The following NFAM1 variants were observed in gnomAD, a reference collection of about 807,000 sequenced individuals.
NFAM1 encodes the protein NFAT activating protein with ITAM motif 1.
In NFAM1, 17 loss-of-function variants were observed where a neutral mutation model predicts 29.0. The ratio of observed to expected loss-of-function variants is 0.59; its 90% CI spans 0.40 to 0.88. NFAM1 has a LOEUF of 0.88. Ranked by LOEUF, NFAM1 falls within the 40% of genes least tolerant of loss-of-function variation. NFAM1 has a pLI of 0.00. For synonymous variants in NFAM1, 175 were observed against 147.2 expected (o/e 1.19, Z -1.36); for missense variants, 324 against 344.6 (o/e 0.94, Z 0.47).
intron 4 of NFAM1, among the ~76,000 whole-genome samples, chr22:42,387,513 G>T (rs1179476291): frequency 6.6e-6 from 1 of 150,390 alleles, no homozygotes; most frequent in Admixed American, 6.6e-5. Flanking sequence ...TCACCCCCCT[G>T]TTCAAAGCCC....
upstream of NFAM1, chr22:42,437,062 C>G: frequency 3.7e-6 from 3 of 805,780 alleles, no homozygotes; most frequent in South Asian, 1.7e-4. Flanking sequence ...TGCCAACTCC[C>G]CAACCCCGCC....
intron 3 of NFAM1, among the ~76,000 whole-genome samples, chr22:42,405,104 G>A (rs945088436): frequency 2.0e-5 from 3 of 152,162 alleles, no homozygotes; most frequent in Non-Finnish European, 4.4e-5. Context: ...AGGCCATCCT[G>A]GAGGGGAGGG....
intron 3 of NFAM1, among the ~76,000 whole-genome samples, chr22:42,403,410 A>G (rs891771656): frequency 1.3e-5 from 2 of 151,818 alleles, no homozygotes; most frequent in African/African-American, 4.8e-5. Flanking sequence ...GACACATAGT[A>G]GGTGCTCAGC....
At chr22:42,435,672 C>G (rs1403495733), upstream of NFAM1, among the ~76,000 whole-genome samples, 1 of 152,158 alleles carries the variant, frequency 6.6e-6, no homozygotes, top group Non-Finnish European at 1.5e-5. Flanking sequence ...TTTAGTTCCA[C>G]AAACACTTAT....
intron 3 of NFAM1, among the ~76,000 whole-genome samples, chr22:42,406,818 A>G (rs1299638053): frequency 2.6e-5 from 4 of 152,110 alleles, no homozygotes; most frequent in African/African-American, 9.6e-5. Context: ...TCTGTCGCCC[A>G]GGCTGGAGTG....
intron 1 of NFAM1, among the ~76,000 whole-genome samples, chr22:42,430,482 C>A (rs1930759895): frequency 6.7e-6 from 1 of 149,514 alleles, no homozygotes; most frequent in African/African-American, 2.5e-5. Flanking sequence ...ATCACTTGAA[C>A]CCAGGAGGCA....
intron 4 of NFAM1, among the ~76,000 whole-genome samples, chr22:42,391,945 CA>C (rs58006775): frequency 0.027 from 1,890 of 68,938 alleles, 6 homozygotes; most frequent in East Asian, 0.039. Flanking sequence ...GACTCTGTCT[CA>C]AAAAAAAAAA....
rs114622848 is a variant in NFAM1, at chr22:42,420,329, C to T, written c.122-8593G>A. ...TCTACTCAATAAATAAATAAATTAG[C>T]CAGGCATGATGGCATGCCTGTAGTC... On this transcript the variant is annotated intron_variant, in intron 1 of 5. Transcript: ENST00000329021. Among the ~76,000 whole-genome samples, 1,408 of 152,072 alleles carry T rather than the reference C, an allele frequency of 9.3e-3. 22 individuals are homozygous for T. Among genetic ancestry groups the T allele is most frequent in the African/African-American group, 0.032 (1,323 of 41,478 alleles).
In NFAM1 at chr22:42,385,054, G is replaced by A; in HGVS notation, c.*107C>T. On this transcript the variant is annotated 3_prime_UTR_variant, in exon 6 of 6. Transcript: ENST00000329021. Reference sequence around the variant, plus strand: ...GCCTTGAATGTGAGGGTGAAATGATGGGGTGTCCCTGGGGGCCTTACTCCC... The same window carrying A: ...GCCTTGAATGTGAGGGTGAAATGATAGGGTGTCCCTGGGGGCCTTACTCCC... The A allele has an allele frequency of 2.4e-6, 2 of 822,824 alleles. No individual in the cohort carries two copies. Among genetic ancestry groups the A allele is most frequent in the Non-Finnish European group, 4.3e-6 (2 of 465,776 alleles). The allele number at this position is 822,824 out of a possible 1,614,324, so 51.0% of individuals were successfully genotyped here. A position where few individuals can be genotyped will look rare whatever the true frequency, so the allele number is the denominator to read the frequency against.
intron 1 of NFAM1, among the ~76,000 whole-genome samples, chr22:42,414,474 G>A (rs184420029): frequency 1.1e-4 from 16 of 152,134 alleles, no homozygotes; most frequent in South Asian, 6.2e-4. Flanking sequence ...GGATGGTGGC[G>A]CGTGTCTGTA....
chr22:42,386,426 C>CACAA (rs1491541989), intron 5 of NFAM1, among the ~76,000 whole-genome samples: 3 of 106,452 alleles, frequency 2.8e-5, no homozygotes, highest in African/African-American at 8.4e-5. Context: ...CACACACACA[C>CACAA]AAAACAAAAA....
At chr22:42,401,146 G>T (rs1252994111) in intron 3 of NFAM1, among the ~76,000 whole-genome samples, 1 of 152,244 alleles carries the variant, frequency 6.6e-6, no homozygotes, top group Non-Finnish European at 1.5e-5. Context: ...CCCCAAGTCT[G>T]CAGGGGACTG....
At chr22:42,400,928 G>A (rs1039256562) in intron 3 of NFAM1, among the ~76,000 whole-genome samples, 2 of 152,208 alleles carry the variant, frequency 1.3e-5, no homozygotes, top group African/African-American at 4.8e-5. Flanking sequence ...CCTGGGCTCA[G>A]CTCTTTGGAC....
chr22:42,436,708 C>T (rs1161556675), upstream of NFAM1, among the ~76,000 whole-genome samples: 3 of 152,240 alleles, frequency 2.0e-5, no homozygotes, highest in Admixed American at 6.5e-5. Flanking sequence ...GTACTTCAGC[C>T]CTCATAGAAA....
intron 2 of NFAM1, chr22:42,410,495 T>C (rs191940165): frequency 2.9e-5 from 11 of 377,274 alleles, no homozygotes; most frequent in Non-Finnish European, 5.4e-5. Context: ...CTTGTCTCTA[T>C]TAAAAATACA....
chr22:42,427,101 A>C (rs1426141588), intron 1 of NFAM1, among the ~76,000 whole-genome samples: 4 of 150,158 alleles, frequency 2.7e-5, no homozygotes, highest in Non-Finnish European at 4.4e-5. Flanking sequence ...TCTCATGTCC[A>C]TACCCCTCCC....
At chr22:42,401,069 A>C (rs1003411991) in intron 3 of NFAM1, among the ~76,000 whole-genome samples, 1 of 152,102 alleles carries the variant, frequency 6.6e-6, no homozygotes, top group Non-Finnish European at 1.5e-5. Context: ...CCTGGCCTCG[A>C]GGCTCTGTCA....
intron 3 of NFAM1, among the ~76,000 whole-genome samples, chr22:42,399,604 G>A (rs909826466): frequency 3.3e-5 from 5 of 152,250 alleles, no homozygotes; most frequent in South Asian, 2.1e-4. Flanking sequence ...AAGTGGGAGC[G>A]CCAGGGTCAG....
chr22:42,400,889 C>T (rs1929703377), intron 3 of NFAM1, among the ~76,000 whole-genome samples: 1 of 152,214 alleles, frequency 6.6e-6, no homozygotes, highest in African/African-American at 2.4e-5. Context: ...GATGTGAGCT[C>T]ATGGGCAGTG....
Sources: allele counts gnomAD v4.1 joint callset (sites outside exome capture counted in the v4.1 genomes callset), GRCh38; gene constraint gnomAD v4.1.1; transcripts MANE v1.5; gene names NCBI Gene and HGNC (gene_info 2026-07-23, HGNC 2026-07-21).